Variants in TXNL1 observed in about 807,000 individuals in gnomAD.
TXNL1 encodes the protein thioredoxin-like protein 1.
In TXNL1, 14 loss-of-function variants were observed where a neutral mutation model predicts 35.5. The observed-to-expected ratio is 0.39, with a 90% CI of 0.26 to 0.62. The LOEUF (loss-of-function observed/expected upper bound fraction) is 0.62. TXNL1 is among the 20% of genes least tolerant of loss of function. The pLI is 0.47. For missense variants in TXNL1, 263 were observed against 349.7 expected (o/e 0.75, Z 1.98); for synonymous variants, 110 against 115.5 (o/e 0.95, Z 0.31).
At position 56,602,869 on chromosome 18, in the gene TXNL1, A is replaced by G; in HGVS notation, c.*158T>C. ...CTTTTATTTACAATTGCATGTGTCA[A>G]GATTACAATGGAAACACTAGTGATA... On this transcript the variant is annotated 3_prime_UTR_variant, in exon 8 of 8. Coordinates refer to ENST00000217515, the MANE Select transcript of TXNL1 (RefSeq NM_004786.3). 2.5e-6 allele frequency: 2 copies of G among 805,318 alleles called. No individual in the cohort carries two copies. The highest frequency in any genetic ancestry group is 2.7e-5 in the East Asian group (1 of 37,404). The allele number at this position is 805,318 out of a possible 1,614,324, so 49.9% of individuals were successfully genotyped here.
chr18:56,637,137 C>A (rs2024468136), intron 1 of TXNL1, among the ~76,000 whole-genome samples: 1 of 152,120 alleles, frequency 6.6e-6, no homozygotes. Context: ...AGAGACTGGT[C>A]CAAAAATAAG....
chr18:56,620,823 G>C (rs1430707505), intron 3 of TXNL1, among the ~76,000 whole-genome samples: 1 of 152,160 alleles, frequency 6.6e-6, no homozygotes, highest in Non-Finnish European at 1.5e-5. Context: ...ATAATCATTA[G>C]TATAGACCTC....
chr18:56,611,508 A>G (rs181884957), intron 6 of TXNL1, among the ~76,000 whole-genome samples: 1,978 of 151,902 alleles, frequency 0.013, 40 homozygotes, highest in African/African-American at 0.046. Context: ...GGCTCAAAAA[A>G]AAAAAAAAAA....
At position 56,626,433 on chromosome 18, in the gene TXNL1, G is replaced by A; in HGVS notation, c.123C>T (p.Ala41=). 1.2e-6 allele frequency: 2 copies of A among 1,612,256 alleles called. No individual in the cohort carries two copies. The highest frequency in any genetic ancestry group is 1.7e-6 in the Non-Finnish European group (2 of 1,179,022). Residue 41 remains alanine, a synonymous_variant, in exon 2 of 8, where the codon GCC becomes GCT. Transcript: ENST00000217515. ...MRGCGPCLRI[A]PAFSSMSNKY... ...TATTACTCATAGAACTGAATGCTGG[G>A]GCAATCCTCAAACATGGCCCACACC...
At chr18:56,637,491 GCC>G (rs2024474463) in intron 1 of TXNL1, among the ~76,000 whole-genome samples, 1 of 152,166 alleles carries the variant, frequency 6.6e-6, no homozygotes, top group South Asian at 2.1e-4. Flanking sequence ...GGTTCTCAAC[GCC>G]GAGTTCCAAC....
intron 7 of TXNL1, 76 bp from the exon 8 acceptor site, chr18:56,603,132 G>C: frequency 7.7e-7 from 1 of 1,293,890 alleles, no homozygotes. Context: ...CTAATAATCA[G>C]TTTAAAACCT....
chr18:56,628,175 T>G (rs954322165), intron 1 of TXNL1, among the ~76,000 whole-genome samples: 1 of 152,120 alleles, frequency 6.6e-6, no homozygotes, highest in Non-Finnish European at 1.5e-5. Flanking sequence ...ACCCGGGAAA[T>G]GCAGATTAAA....
intron 7 of TXNL1, among the ~76,000 whole-genome samples, chr18:56,605,762 T>C (rs1021522993): frequency 1.3e-5 from 2 of 152,184 alleles, no homozygotes; most frequent in African/African-American, 4.8e-5. Flanking sequence ...GGTATTCTAG[T>C]CTGTCAAACC....
intron 3 of TXNL1, among the ~76,000 whole-genome samples, chr18:56,618,434 G>A (rs376601109): frequency 1.1e-4 from 17 of 152,216 alleles, no homozygotes; most frequent in African/African-American, 2.9e-4. Flanking sequence ...TAAAATATCC[G>A]TAAGATCCAA....
intron 3 of TXNL1, among the ~76,000 whole-genome samples, chr18:56,620,225 C>T (rs913930455): frequency 6.6e-6 from 1 of 152,070 alleles, no homozygotes; most frequent in African/African-American, 2.4e-5. Flanking sequence ...CTCAGCCTCC[C>T]AAAGTGCTGG....
chr18:56,616,447 T>C, intron 4 of TXNL1, 133 bp from the exon 5 acceptor site: 1 of 715,010 alleles, frequency 1.4e-6, no homozygotes, highest in South Asian at 2.0e-5. Flanking sequence ...CAACGTAATA[T>C]GAAAAATCAG....
intron 3 of TXNL1, among the ~76,000 whole-genome samples, chr18:56,620,044 C>T (rs150014765): frequency 6.6e-6 from 1 of 152,274 alleles, no homozygotes; most frequent in Non-Finnish European, 1.5e-5. Flanking sequence ...TCTTGGCTCA[C>T]TGAAACCTCC....
chr18:56,637,516 C>G (rs2024474817), intron 1 of TXNL1, among the ~76,000 whole-genome samples: 1 of 152,214 alleles, frequency 6.6e-6, no homozygotes. Flanking sequence ...GTCATTCTTA[C>G]AAAGGAACTT....
rs1037705982 is a variant in TXNL1, at chr18:56,600,110, G to C, written c.*2917C>G. The C allele has an allele frequency of 1.5e-4, 23 of 152,202 alleles. No individual in the cohort carries two copies. The highest frequency in any genetic ancestry group is 5.5e-4 in the African/African-American group (23 of 41,450). The allele number at this position is 152,202 out of a possible 1,614,324, so 9.4% of individuals were successfully genotyped here. ...AGCTTTTAGACATTAAGAGGAACAA[G>C]GGAGGATCTGAACTATTTTAGGTTT... On this transcript the variant is annotated 3_prime_UTR_variant, in exon 8 of 8. Coordinates refer to ENST00000217515, the MANE Select transcript of TXNL1 (RefSeq NM_004786.3).
At chr18:56,626,765 C>G (rs543362575) in intron 1 of TXNL1, among the ~76,000 whole-genome samples, 1 of 130,398 alleles carries the variant, frequency 7.7e-6, no homozygotes, top group African/African-American at 2.7e-5. Flanking sequence ...TCCCAAAGTG[C>G]TGGGATTACA....
rs756072383 is a variant in TXNL1, at chr18:56,598,554, AGAG to A, written c.*4470_*4472del. The A allele has an allele frequency of 3.3e-5, 5 of 152,706 alleles. No homozygotes were observed. Among genetic ancestry groups the A allele is most frequent in the Non-Finnish European group, 7.3e-5 (5 of 68,372 alleles). The allele number at this position is 152,706 out of a possible 1,614,324, so 9.5% of individuals were successfully genotyped here. On this transcript the variant is annotated 3_prime_UTR_variant, in exon 8 of 8. Transcript: ENST00000217515. ...GAGAAATGAGGGGCATGGGGAGGCT[AGAG>A]GAGGAGAGATTACATTACAAAGACC...
At chr18:56,607,210 A>C (rs1157078139) in intron 7 of TXNL1, among the ~76,000 whole-genome samples, 1 of 144,160 alleles carries the variant, frequency 6.9e-6, no homozygotes, top group Non-Finnish European at 1.5e-5. Context: ...TAGAGATGGA[A>C]TCTTACTATG....
chr18:56,617,205 CTAG>C (rs1220324458), intron 4 of TXNL1, among the ~76,000 whole-genome samples: 7 of 152,254 alleles, frequency 4.6e-5, no homozygotes, highest in African/African-American at 1.4e-4. Context: ...AAGAAAATAA[CTAG>C]GCTATTTCCT....
intron 1 of TXNL1, among the ~76,000 whole-genome samples, chr18:56,628,882 C>A (rs1482080188): frequency 6.6e-6 from 1 of 152,186 alleles, no homozygotes; most frequent in Non-Finnish European, 1.5e-5. Flanking sequence ...GTGATCAACT[C>A]CACATTCTTA....
Sources: allele counts gnomAD v4.1 joint callset (sites outside exome capture counted in the v4.1 genomes callset), GRCh38; gene constraint gnomAD v4.1.1; transcripts MANE v1.5; gene names NCBI Gene and HGNC (gene_info 2026-07-23, HGNC 2026-07-21).